The following LYRM4 variants were observed in gnomAD, a reference collection of about 807,000 sequenced individuals.
LYRM4 encodes the protein LYR motif-containing protein 4.
Under a neutral mutation model 11.7 loss-of-function variants are expected in LYRM4, and 9 were observed. The observed-to-expected ratio is 0.77, with a 90% CI of 0.46 to 1.34. The LOEUF is 1.34. Among genes scored for constraint, LYRM4 ranks in the 40% most tolerant of loss-of-function variants. The probability of loss-of-function intolerance (pLI) is 0.00; values close to 1 mark genes in which losing one functional copy is unlikely to be tolerated. For synonymous variants in LYRM4, 42 were observed against 40.4 expected, an observed-to-expected ratio of 1.04 and a Z score of -0.15; for missense variants, 133 against 112.5, an observed-to-expected ratio of 1.18 and a Z score of -0.82.
chr6:5,170,375 A>C (rs767987953), intron 2 of LYRM4, among the ~76,000 whole-genome samples: 1 of 152,108 alleles, frequency 6.6e-6, no homozygotes, highest in Non-Finnish European at 1.5e-5. Context: ...GCACATATAT[A>C]TATATATGCA....
chr6:5,237,720 G>GT (rs1763634148), intron 1 of LYRM4, among the ~76,000 whole-genome samples: 1 of 152,102 alleles, frequency 6.6e-6, no homozygotes, highest in Non-Finnish European at 1.5e-5. Flanking sequence ...ATGCTAAGCT[G>GT]TGTCTGTTGG....
downstream of LYRM4, among the ~76,000 whole-genome samples, chr6:5,102,069 A>C (rs956004743): frequency 2.0e-5 from 3 of 146,632 alleles, no homozygotes; most frequent in African/African-American, 7.5e-5. Flanking sequence ...TTGGGATTAA[A>C]GGTGTGAGCC....
the LYRM4 span, among the ~76,000 whole-genome samples, chr6:5,044,192 G>C: frequency 6.6e-6 from 1 of 152,038 alleles, no homozygotes; most frequent in African/African-American, 2.4e-5. Flanking sequence ...GCAGTGGTAC[G>C]ATCTTGGCTC....
chr6:5,216,790 A>T, intron 1 of LYRM4, 52 bp from the exon 2 acceptor site: 1 of 1,566,352 alleles, frequency 6.4e-7, no homozygotes, highest in Non-Finnish European at 8.6e-7. Context: ...GTCTGAGGCT[A>T]TGCTTTCAAA....
the LYRM4 span, chr6:5,086,448 C>G: frequency 6.5e-7 from 1 of 1,536,704 alleles, no homozygotes. Flanking sequence ...CCGACGAGCG[C>G]GGCGTCGCGG....
chr6:5,097,926 C>CAGCT, the LYRM4 span, among the ~76,000 whole-genome samples: 1 of 152,238 alleles, frequency 6.6e-6, no homozygotes, highest in African/African-American at 2.4e-5. Context: ...CGATCTAAAG[C>CAGCT]AGCTACTCTT....
intron 1 of LYRM4, among the ~76,000 whole-genome samples, chr6:5,255,499 GC>G (rs757726962): frequency 2.0e-5 from 3 of 151,650 alleles, no homozygotes; most frequent in Non-Finnish European, 4.4e-5. Context: ...GTTTTTAAAA[GC>G]TTTTTTTTTC....
chr6:5,086,724 C>T, the LYRM4 span: 2 of 632,718 alleles, frequency 3.2e-6, no homozygotes, highest in Admixed American at 3.0e-5. Context: ...CGACTCGCAC[C>T]CCCGCAGACA....
chr6:5,083,137 A>T, the LYRM4 span, among the ~76,000 whole-genome samples: 1 of 152,020 alleles, frequency 6.6e-6, no homozygotes. Context: ...GCCTCCTTAA[A>T]TTCTATGCCC....
At chr6:5,034,828 G>A in the LYRM4 span, 7 of 133,366 alleles carry the variant, frequency 5.2e-5, no homozygotes, top group Non-Finnish European at 1.1e-4. Flanking sequence ...TTTACAGTCA[G>A]GAACATGTCA....
chr6:5,191,520 T>C (rs1351939776), intron 2 of LYRM4, among the ~76,000 whole-genome samples: 1 of 152,194 alleles, frequency 6.6e-6, no homozygotes, highest in Non-Finnish European at 1.5e-5. Flanking sequence ...TTTGTGAAAC[T>C]AGGAATGAGA....
At chr6:5,081,698 C>T in the LYRM4 span, among the ~76,000 whole-genome samples, 1 of 152,216 alleles carries the variant, frequency 6.6e-6, no homozygotes, top group Non-Finnish European at 1.5e-5. Flanking sequence ...TCTGATAGAA[C>T]ATTTGTTATT....
At chr6:5,164,492 A>G (rs1344757185) in intron 2 of LYRM4, among the ~76,000 whole-genome samples, 1 of 152,208 alleles carries the variant, frequency 6.6e-6, no homozygotes, top group Non-Finnish European at 1.5e-5. Flanking sequence ...AGACAGCACC[A>G]CTGTATGAGA....
intron 2 of LYRM4, chr6:5,144,389 G>C: frequency 9.5e-7 from 1 of 1,049,752 alleles, no homozygotes. Flanking sequence ...TGTAATTCCA[G>C]CACTTTGGGA....
intron 2 of LYRM4, among the ~76,000 whole-genome samples, chr6:5,144,902 G>C (rs552054167): frequency 5.9e-5 from 9 of 152,188 alleles, no homozygotes; most frequent in Non-Finnish European, 1.0e-4. Flanking sequence ...GTGCTGAGAC[G>C]CTTTGACGCG....
At chr6:5,225,563 T>C (rs1334885180) in intron 1 of LYRM4, among the ~76,000 whole-genome samples, 2 of 152,234 alleles carry the variant, frequency 1.3e-5, no homozygotes, top group Non-Finnish European at 2.9e-5. Context: ...TTAAAAATGG[T>C]TATATACTAT....
At chr6:5,244,619 TGAG>T (rs1764057607) in intron 1 of LYRM4, among the ~76,000 whole-genome samples, 1 of 152,020 alleles carries the variant, frequency 6.6e-6, no homozygotes, top group Non-Finnish European at 1.5e-5. Flanking sequence ...CCTTACTCTG[TGAG>T]GAGAAGCAGT....
the LYRM4 span, among the ~76,000 whole-genome samples, chr6:5,093,597 A>G: frequency 1.3e-4 from 20 of 152,402 alleles, no homozygotes; most frequent in South Asian, 4.1e-3. Context: ...ATAATTTGCC[A>G]CTTTACAAAA....
intron 2 of LYRM4, among the ~76,000 whole-genome samples, chr6:5,208,763 T>C (rs942270439): frequency 6.6e-6 from 1 of 152,198 alleles, no homozygotes; most frequent in African/African-American, 2.4e-5. Flanking sequence ...GGGAGGAAAT[T>C]AGTTCAAATT....
Sources: gnomAD v4.1 joint callset for allele counts (sites outside exome capture counted in the v4.1 genomes callset) on GRCh38, gnomAD v4.1.1 for gene constraint, MANE v1.5 for transcripts, NCBI Gene and HGNC (gene_info 2026-07-23, HGNC 2026-07-21) for gene names.